Variants in PTPRD observed in about 807,000 individuals in gnomAD.
PTPRD encodes protein tyrosine phosphatase receptor type D.
PTPRD carries 34 observed loss-of-function variants against 214.5 expected under a neutral mutation model. That is an observed-to-expected ratio of 0.16 (90% CI 0.12 to 0.21). The LOEUF is 0.21. PTPRD is among the 10% of genes least tolerant of loss of function. The pLI is 1.00. For missense variants in PTPRD, 2,545 were observed against 2,398.7 expected, an observed-to-expected ratio of 1.06 and a Z score of -1.27; for synonymous variants, 1,128 against 845.7, an observed-to-expected ratio of 1.33 and a Z score of -5.79.
intron 2 of PTPRD, 109 bp downstream of exon 2, chr9:10,612,289 T>G (rs1393272043): frequency 6.6e-6 from 1 of 151,954 alleles, no homozygotes; most frequent in Non-Finnish European, 1.5e-5. Flanking sequence ...GTCAAGTTAT[T>G]CCCAGGTAAA....
chr9:8,398,314 C>G (rs2091675498), intron 36 of PTPRD, among the ~76,000 whole-genome samples: 1 of 152,106 alleles, frequency 6.6e-6, no homozygotes, highest in African/African-American at 2.4e-5. Flanking sequence ...GAAAGCAAGG[C>G]TCAGCAACTT....
rs375137960 is a variant in PTPRD, at chr9:9,368,530, A to C, written c.-203+28919T>G. Among the ~76,000 whole-genome samples, 59 of 151,972 alleles carry C rather than the reference A, an allele frequency of 3.9e-4. No homozygotes were observed. In the East Asian group the frequency reaches 0.011, roughly 29 times the overall value. The stretch of plus-strand genomic sequence containing the variant: ...TTGGGGACTGATGTCCCTAGCAAAG[A>C]ATATTAAAGTCAGAGAGAGGCTAGG... On this transcript the variant is annotated intron_variant, in intron 9 of 45. Coordinates refer to ENST00000381196, the MANE Select transcript of PTPRD (RefSeq NM_002839.4).
At chr9:8,579,789 T>C (rs1489426067) in intron 14 of PTPRD, among the ~76,000 whole-genome samples, 2 of 152,188 alleles carry the variant, frequency 1.3e-5, no homozygotes, top group Non-Finnish European at 2.9e-5. Context: ...AGGAGTATCA[T>C]GCAGACGTAC....
rs558196213 is a variant in PTPRD at position 8,714,945 on chromosome 9, A to AT, written c.64+18834dup. ...TAGAATGCGACCTTAATGGTGCAAGATTTTTTTTTTTGTCTGTCTTGGTCA... is the reference window on the plus strand; with the variant it reads ...TAGAATGCGACCTTAATGGTGCAAGATTTTTTTTTTTTGTCTGTCTTGGTCA... On this transcript the variant is annotated intron_variant, in intron 12 of 45. Transcript: ENST00000381196. Among the ~76,000 whole-genome samples the AT allele has an allele frequency of 3.0e-3, 445 of 147,174 alleles. 2 individuals carry two copies. Among genetic ancestry groups the AT allele is most frequent in the South Asian group, 0.023 (105 of 4,654 alleles).
chr9:9,191,076 T>C (rs2099934846), intron 9 of PTPRD, among the ~76,000 whole-genome samples: 1 of 152,092 alleles, frequency 6.6e-6, no homozygotes, highest in African/African-American at 2.4e-5. Flanking sequence ...ACAAAAATAA[T>C]GCTGCAAAAG....
At chr9:10,042,803 T>C (rs1281253848) in intron 3 of PTPRD, among the ~76,000 whole-genome samples, 1 of 151,978 alleles carries the variant, frequency 6.6e-6, no homozygotes, top group African/African-American at 2.4e-5. Flanking sequence ...AAATGACAAG[T>C]AATTATCCAG....
chr9:10,516,197 G>A (rs1043892634), intron 2 of PTPRD, among the ~76,000 whole-genome samples: 3 of 151,532 alleles, frequency 2.0e-5, no homozygotes, highest in African/African-American at 4.8e-5. Context: ...TACTAACAGC[G>A]TTCAAGGGTT....
chr9:9,967,405 CTTCCCATCCTGTTTTAAG>C (rs766462232), intron 4 of PTPRD, among the ~76,000 whole-genome samples: 19 of 152,292 alleles, frequency 1.2e-4, no homozygotes, highest in Admixed American at 2.6e-4. Context: ...CAGTAAGCCT[CTTCCCATCCTGTTTTAAG>C]TTCTGTCTAT....
At chr9:9,050,661 T>C (rs1406482711) in intron 10 of PTPRD, among the ~76,000 whole-genome samples, 2 of 148,180 alleles carry the variant, frequency 1.3e-5, no homozygotes, top group African/African-American at 2.5e-5. Context: ...TTCCTACCTG[T>C]GACATGATGC....
chr9:9,584,428 A>G (rs1354629029), intron 7 of PTPRD, among the ~76,000 whole-genome samples: 2 of 151,372 alleles, frequency 1.3e-5, no homozygotes, highest in Non-Finnish European at 2.9e-5. Context: ...TTTCACCATC[A>G]CTATTCTTTC....
chr9:10,257,836 C>T (rs1373956910), intron 3 of PTPRD, among the ~76,000 whole-genome samples: 3 of 152,250 alleles, frequency 2.0e-5, no homozygotes, highest in Middle Eastern at 3.4e-3. Flanking sequence ...TGTTAAGATG[C>T]TAATGGTCAT....
intron 3 of PTPRD, among the ~76,000 whole-genome samples, chr9:10,283,510 T>C (rs2095229009): frequency 6.6e-6 from 1 of 152,212 alleles, no homozygotes; most frequent in Non-Finnish European, 1.5e-5. Context: ...TATTTAGTTA[T>C]TGGTAAGTCT....
intron 3 of PTPRD, among the ~76,000 whole-genome samples, chr9:10,154,573 T>A (rs936669159): frequency 6.6e-6 from 1 of 152,188 alleles, no homozygotes; most frequent in Non-Finnish European, 1.5e-5. Flanking sequence ...CTAGGTTGTC[T>A]TCCAGAGTTT....
rs552664707 is a variant in PTPRD at position 9,505,797 on chromosome 9, T to A, written c.-237+68935A>T. Among the ~76,000 whole-genome samples the A allele has an allele frequency of 2.6e-5, 4 of 151,652 alleles. No individual in the cohort carries two copies. The East Asian group carries it at 7.8e-4, about 29-fold the overall frequency. Reference sequence around the variant, plus strand: ...GTGATAAACCTTTTAAATTTATTTATGATCCCAAGGAACAATCAATTTTTA... The same window carrying A: ...GTGATAAACCTTTTAAATTTATTTAAGATCCCAAGGAACAATCAATTTTTA... On this transcript the variant is annotated intron_variant, in intron 8 of 45. Coordinates refer to ENST00000381196, the MANE Select transcript of PTPRD (RefSeq NM_002839.4).
intron 11 of PTPRD, among the ~76,000 whole-genome samples, chr9:8,952,150 C>T: frequency 6.6e-6 from 1 of 151,948 alleles, no homozygotes; most frequent in Non-Finnish European, 1.5e-5. Context: ...ATGTGAGTTT[C>T]ATGAGGGCAG....
chr9:10,094,754 G>A (rs914254653), intron 3 of PTPRD, among the ~76,000 whole-genome samples: 5 of 151,266 alleles, frequency 3.3e-5, no homozygotes, highest in African/African-American at 1.2e-4. Context: ...GCAAAATACT[G>A]CTGTGATGAC....
intron 2 of PTPRD, among the ~76,000 whole-genome samples, chr9:10,479,909 T>C (rs1438555521): frequency 1.3e-5 from 2 of 152,128 alleles, no homozygotes; most frequent in Non-Finnish European, 2.9e-5. Flanking sequence ...GGGCTTGTTA[T>C]TGCAGGGATG....
chr9:10,238,986 G>T (rs2099638005), intron 3 of PTPRD, among the ~76,000 whole-genome samples: 1 of 151,762 alleles, frequency 6.6e-6, no homozygotes, highest in South Asian at 2.1e-4. Context: ...CATCGAAGAA[G>T]GCTTCCATGT....
chr9:9,172,846 G>T (rs74367479), intron 10 of PTPRD, among the ~76,000 whole-genome samples: 1 of 152,004 alleles, frequency 6.6e-6, no homozygotes, highest in Non-Finnish European at 1.5e-5. Context: ...CCTGCACCTG[G>T]CACTGTTTTT....
Sources: gnomAD v4.1 joint callset for allele counts (sites outside exome capture counted in the v4.1 genomes callset) on GRCh38, gnomAD v4.1.1 for gene constraint, MANE v1.5 for transcripts, NCBI Gene and HGNC (gene_info 2026-07-23, HGNC 2026-07-21) for gene names.